PARN: variants seen among roughly 807,000 people sequenced by gnomAD.
PARN encodes poly(A)-specific ribonuclease.
Under a neutral mutation model 102.8 loss-of-function variants are expected in PARN, and 71 were observed. That is an observed-to-expected ratio of 0.69 (90% CI 0.57 to 0.84). PARN has a LOEUF of 0.84. Ranked by LOEUF, PARN falls within the 40% of genes least tolerant of loss-of-function variation. PARN has a pLI of 0.00. For synonymous variants in PARN, 261 were observed against 252.9 expected (o/e 1.03, Z -0.30); for missense variants, 782 against 760.9 (o/e 1.03, Z -0.33).
At chr16:14,614,946 T>C (rs1971797247) in intron 6 of PARN, among the ~76,000 whole-genome samples, 1 of 147,122 alleles carries the variant, frequency 6.8e-6, no homozygotes, top group East Asian at 2.0e-4. Context: ...TAGCACAGCC[T>C]GGCCAGAGGA....
chr16:14,588,300 G>C (rs1596766014), intron 13 of PARN, among the ~76,000 whole-genome samples: 1 of 152,196 alleles, frequency 6.6e-6, no homozygotes, highest in Admixed American at 6.5e-5. Flanking sequence ...AGACTACACA[G>C]AAAGGTTGGG....
In PARN at chr16:14,564,844, TC is replaced by T. The variant is rs567595666; in HGVS notation, c.1263-9136del. Among the ~76,000 whole-genome samples the T allele has an allele frequency of 9.2e-5, 14 of 152,194 alleles. No homozygotes were observed. In the East Asian group the frequency reaches 2.1e-3, roughly 23 times the overall value. ...TTTCTGCTTCTCTCAAGACTACACT[TC>T]CGATTTCTCAAAAAAGAGATTTCCA... On this transcript the variant is annotated intron_variant, in intron 18 of 23. Transcript: ENST00000437198.
chr16:14,512,609 A>G (rs1033536034), intron 21 of PARN, among the ~76,000 whole-genome samples: 2 of 152,196 alleles, frequency 1.3e-5, no homozygotes, highest in Non-Finnish European at 2.9e-5. Flanking sequence ...CCAGATGTGC[A>G]TGCAAAGTAT....
At chr16:14,490,465 C>T (rs763868434) in intron 21 of PARN, among the ~76,000 whole-genome samples, 6 of 152,210 alleles carry the variant, frequency 3.9e-5, no homozygotes, top group Non-Finnish European at 7.3e-5. Flanking sequence ...ACCCAACAGC[C>T]TTGTGCAAAC....
At chr16:14,510,841 C>T (rs976221111) in intron 21 of PARN, among the ~76,000 whole-genome samples, 6 of 152,214 alleles carry the variant, frequency 3.9e-5, no homozygotes, top group Non-Finnish European at 7.4e-5. Context: ...TCTTCTGTTA[C>T]GCTAAACCAG....
chr16:14,517,061 T>C (rs1034850392), intron 21 of PARN, among the ~76,000 whole-genome samples: 4 of 152,018 alleles, frequency 2.6e-5, no homozygotes, highest in African/African-American at 9.7e-5. Flanking sequence ...CAATAGACAA[T>C]GACTAAAAAG....
intron 18 of PARN, among the ~76,000 whole-genome samples, chr16:14,557,541 G>A (rs1738487657): frequency 8.1e-6 from 1 of 123,102 alleles, no homozygotes; most frequent in African/African-American, 3.1e-5. Flanking sequence ...TGGGCGACAA[G>A]AGCAAAACTC....
chr16:14,463,235 G>GA (rs1395437346), intron 22 of PARN, among the ~76,000 whole-genome samples: 1 of 152,002 alleles, frequency 6.6e-6, no homozygotes, highest in Non-Finnish European at 1.5e-5. Context: ...AGTAAGACCT[G>GA]AAAAAATCAA....
chr16:14,477,821 G>A (rs1963155510), intron 22 of PARN, among the ~76,000 whole-genome samples: 1 of 151,630 alleles, frequency 6.6e-6, no homozygotes, highest in African/African-American at 2.4e-5. Flanking sequence ...GAAGGGAAGA[G>A]AAGGGAAAGG....
chr16:14,538,486 G>A (rs934641162), intron 21 of PARN, among the ~76,000 whole-genome samples: 1 of 152,148 alleles, frequency 6.6e-6, no homozygotes, highest in African/African-American at 2.4e-5. Context: ...CTCCCAAAGT[G>A]CTGGGATTAC....
chr16:14,552,693 A>G lies in PARN; in HGVS notation c.1406-598T>C, dbSNP rs190265481. Reference sequence around the variant, plus strand: ...GCCGGGCGCGGTGGCTCACGCCTATAATCCCAGCACTTTGGGAGGCCGAGG... The same window carrying G: ...GCCGGGCGCGGTGGCTCACGCCTATGATCCCAGCACTTTGGGAGGCCGAGG... On this transcript the variant is annotated intron_variant, in intron 20 of 23. Coordinates refer to ENST00000437198, the MANE Select transcript of PARN (RefSeq NM_002582.4). Among the ~76,000 whole-genome samples the G allele has an allele frequency of 7.9e-5, 12 of 152,324 alleles. No homozygotes were observed. In the East Asian group the frequency reaches 2.3e-3, roughly 29 times the overall value.
intron 21 of PARN, among the ~76,000 whole-genome samples, chr16:14,546,777 T>C (rs1024251020): frequency 6.6e-6 from 1 of 152,098 alleles, no homozygotes; most frequent in Non-Finnish European, 1.5e-5. Context: ...AAATCCAAAA[T>C]ATAAACAAGC....
intron 21 of PARN, among the ~76,000 whole-genome samples, chr16:14,535,328 A>C (rs1966565364): frequency 6.6e-6 from 1 of 152,242 alleles, no homozygotes. Context: ...TTGCTAAACA[A>C]AATGAAGTAA....
chr16:14,526,240 G>A (rs1192429019), intron 21 of PARN, among the ~76,000 whole-genome samples: 1 of 150,108 alleles, frequency 6.7e-6, no homozygotes, highest in Non-Finnish European at 1.5e-5. Context: ...GCAGTGGTGC[G>A]ATCTCGGCTC....
At chr16:14,590,698 C>G (rs574994391) in intron 13 of PARN, among the ~76,000 whole-genome samples, 1 of 149,670 alleles carries the variant, frequency 6.7e-6, no homozygotes, top group South Asian at 2.1e-4. Flanking sequence ...AGACCCACAA[C>G]TATGAAGTCT....
At chr16:14,568,305 C>T (rs952824781) in intron 18 of PARN, among the ~76,000 whole-genome samples, 1 of 151,330 alleles carries the variant, frequency 6.6e-6, no homozygotes, top group African/African-American at 2.4e-5. Context: ...CTCTGCCTCC[C>T]GGGTTCAAGC....
chr16:14,609,829 A>T (rs1280252872), intron 7 of PARN, among the ~76,000 whole-genome samples: 1 of 152,226 alleles, frequency 6.6e-6, no homozygotes, highest in African/African-American at 2.4e-5. Flanking sequence ...GATAAGCCTG[A>T]TCCACTCCTC....
At chr16:14,463,850 G>GGA (rs1962154377) in intron 22 of PARN, among the ~76,000 whole-genome samples, 2 of 127,904 alleles carry the variant, frequency 1.6e-5, no homozygotes, top group Non-Finnish European at 3.3e-5. Context: ...GGGGGGGGGG[G>GGA]ACGACAAGGT....
intron 21 of PARN, among the ~76,000 whole-genome samples, chr16:14,539,316 C>T (rs762629494): frequency 8.5e-5 from 13 of 152,218 alleles, no homozygotes; most frequent in Non-Finnish European, 1.8e-4. Flanking sequence ...CTCCTGGCTG[C>T]ATTCTAACTG....
Sources: allele counts gnomAD v4.1 joint callset (sites outside exome capture counted in the v4.1 genomes callset), GRCh38; gene constraint gnomAD v4.1.1; transcripts MANE v1.5; gene names NCBI Gene and HGNC (gene_info 2026-07-23, HGNC 2026-07-21).